The following SNX19 variants were observed in gnomAD, a reference collection of about 807,000 sequenced individuals.
SNX19 encodes the protein sorting nexin 19.
Under a neutral mutation model 85.2 loss-of-function variants are expected in SNX19, and 60 were observed. The observed-to-expected ratio is 0.70, with a 90% CI of 0.57 to 0.87. SNX19 has a LOEUF of 0.87. Among genes scored for constraint, SNX19 ranks in the 40% least tolerant of loss-of-function variants. The probability of loss-of-function intolerance (pLI) is 0.00; values close to 1 mark genes in which losing one functional copy is unlikely to be tolerated. For missense variants in SNX19, 1,201 were observed against 1,217.8 expected (o/e 0.99, Z 0.21); for synonymous variants, 520 against 470.0 (o/e 1.11, Z -1.38).
At chr11:130,900,668 T>A (rs1945199386) in intron 8 of SNX19, among the ~76,000 whole-genome samples, 1 of 152,178 alleles carries the variant, frequency 6.6e-6, no homozygotes, top group East Asian at 1.9e-4. Context: ...TCTATACTTT[T>A]ATCCTCATAC....
At position 130,911,734 on chromosome 11, in the gene SNX19, A is replaced by G; in HGVS notation, c.1712T>C (p.Leu571Pro). The change falls in exon 2 of 11, where the codon CTG becomes CCG. Residue 571 changes from leucine to proline, a missense_variant. Leu to Pro is a moderately conservative substitution (Grantham distance 98). This residue lies in a region of SNX19 where 791 missense variants were observed against 750.9 expected (regional missense o/e 1.05). Transcript: ENST00000265909. ...CACAGTGTGGTAGGCCAGCTGCTGCAGGCCGCTGCTGTTTTCACCGTCAAG... is the reference window on the plus strand; with the variant it reads ...CACAGTGTGGTAGGCCAGCTGCTGCGGGCCGCTGCTGTTTTCACCGTCAAG... ...TALDGENSSG[L>P]QQLAYHTVNR... 6.2e-7 allele frequency: 1 copy of G among 1,614,226 alleles called. No homozygotes were observed. Among genetic ancestry groups the G allele is most frequent in the Non-Finnish European group, 8.5e-7 (1 of 1,180,040 alleles).
At chr11:130,897,544 T>C (rs1369038861) in intron 8 of SNX19, among the ~76,000 whole-genome samples, 3 of 152,168 alleles carry the variant, frequency 2.0e-5, no homozygotes, top group Non-Finnish European at 2.9e-5. Flanking sequence ...GCTGCTGGCA[T>C]GGTTCCTATT....
rs76246208 is a variant in SNX19, at chr11:130,887,960, T to C, written c.2574-7154A>G. 3.0e-3 allele frequency among the ~76,000 whole-genome samples: 458 copies of C among 152,258 alleles called. 7 individuals carry two copies. The highest frequency in any genetic ancestry group is 0.023 in the East Asian group (121 of 5,170). The stretch of plus-strand genomic sequence containing the variant: ...CCTGACCAGCAAAGAACATAGGGGA[T>C]TGAGCCTTCCTTTAGATTTAGATAC... On this transcript the variant is annotated intron_variant, in intron 8 of 10. Coordinates refer to ENST00000265909, the MANE Select transcript of SNX19 (RefSeq NM_014758.3).
Position 130,914,274 on chromosome 11 carries a change from T to C in SNX19, c.1666A>G (p.Thr556Ala). The change falls in exon 1 of 11, where the codon ACT becomes GCT. Residue 556 changes from threonine to alanine, a missense_variant. Thr to Ala is a moderately conservative substitution (Grantham distance 58). Coordinates refer to ENST00000265909, the MANE Select transcript of SNX19 (RefSeq NM_014758.3). ...GTGFHPYTLY[T>A]VKYETALDGE... The stretch of plus-strand genomic sequence containing the variant: ...AGCTTTAATCCTGTTACCTTCACAG[T>C]ATAGAGTGTGTATGGGTGGAATCCA... 1 of 1,577,552 alleles carries C rather than the reference T, an allele frequency of 6.3e-7. No individual in the cohort carries two copies. The highest frequency in any genetic ancestry group is 8.6e-7 in the Non-Finnish European group (1 of 1,161,100).
rs940458853 is a variant in SNX19, at chr11:130,874,791, T to A, written c.*3631A>T. 3.3e-5 allele frequency among the ~76,000 whole-genome samples: 5 copies of A among 152,202 alleles called. No homozygotes were observed. The highest frequency in any genetic ancestry group is 6.5e-5 in the Admixed American group (1 of 15,274). On this transcript the variant is annotated 3_prime_UTR_variant, in exon 11 of 11. Transcript: ENST00000265909. ...GAAGACTCAAAAATGTTCTAGGCTA[T>A]GCAAATCAAAACCATGAGATAGTAA...
At position 130,874,393 on chromosome 11, in the gene SNX19, C is replaced by T. The variant is rs768413216; in HGVS notation, c.*4029G>A. ...CTTAGAAGAAAACACAGAAGAGATG[C>T]TCCTGTTCTTTTATGAATGTTATCT... On this transcript the variant is annotated 3_prime_UTR_variant, in exon 11 of 11. Transcript: ENST00000265909. Among the ~76,000 whole-genome samples the T allele has an allele frequency of 1.3e-5, 2 of 152,178 alleles. No individual in the cohort carries two copies. The highest frequency in any genetic ancestry group is 4.8e-5 in the African/African-American group (2 of 41,450).
intron 8 of SNX19, among the ~76,000 whole-genome samples, chr11:130,895,963 G>A (rs1944850016): frequency 6.6e-6 from 1 of 152,184 alleles, no homozygotes; most frequent in Non-Finnish European, 1.5e-5. Context: ...GCTTCCCTTT[G>A]GCATGGCCTA....
Position 130,878,535 on chromosome 11 carries a change from C to T in SNX19, c.2866G>A (p.Gly956Arg), listed in dbSNP as rs1943411165. The T allele has an allele frequency of 6.2e-7, 1 of 1,613,500 alleles. No homozygotes were observed. Among genetic ancestry groups the T allele is most frequent in the African/African-American group, 1.3e-5 (1 of 74,958 alleles). ...LINRHLIYCL[G>R]DIILEFLDLS... ...TCCAAGAATTCCAGGATGATGTCCC[C>T]AAGGCAGTAAATCAAATGCCTGAAA... Residue 956 changes from glycine (G) to arginine (R), a missense_variant, in exon 11 of 11, where the codon GGG becomes AGG. Physicochemically the swap from Gly to Arg is moderately radical, Grantham distance 125. Transcript: ENST00000265909.
intron 9 of SNX19, among the ~76,000 whole-genome samples, chr11:130,880,358 A>G (rs1943567271): frequency 2.6e-5 from 4 of 152,176 alleles, no homozygotes. Flanking sequence ...TTATTAACCT[A>G]AATATCTGCA....
Position 130,914,662 on chromosome 11 carries a change from C to G in SNX19, c.1278G>C (p.Glu426Asp), listed in dbSNP as rs1946403097. 6.2e-7 allele frequency: 1 copy of G among 1,613,948 alleles called. No homozygotes were observed. The highest frequency in any genetic ancestry group is 8.5e-7 in the Non-Finnish European group (1 of 1,179,868). ...CTGTCTCTGTTTCTGTCCCTGGACC[C>G]TCCTCAGCCTCTGCTCCTTCAGATG... Reference protein sequence around the residue: ...GEASEGAEAEEGPGTETETGL... With the variant: ...GEASEGAEAEDGPGTETETGL... Residue 426 changes from glutamate (E) to aspartate (D), a missense_variant, in exon 1 of 11, where the codon GAG becomes GAC. This residue lies in a region of SNX19 where 791 missense variants were observed against 750.9 expected (regional missense o/e 1.05). Coordinates refer to ENST00000265909, the MANE Select transcript of SNX19 (RefSeq NM_014758.3).
chr11:130,904,487 T>C (rs1945501853), intron 7 of SNX19, among the ~76,000 whole-genome samples: 1 of 152,184 alleles, frequency 6.6e-6, no homozygotes, highest in South Asian at 2.1e-4. Flanking sequence ...TGATATGTTG[T>C]GTGATTTCTA....
At chr11:130,881,166 A>C (rs1943639556) in intron 8 of SNX19, 1 of 169,592 alleles carries the variant, frequency 5.9e-6, no homozygotes, top group Non-Finnish European at 1.2e-5. Context: ...TGTTGTTTAT[A>C]AGCCATTCAG....
chr11:130,916,148 T>C lies in SNX19; in HGVS notation c.-209A>G. 1.7e-6 allele frequency: 1 copy of C among 582,452 alleles called. No homozygotes were observed. Among genetic ancestry groups the C allele is most frequent in the Non-Finnish European group, 3.0e-6 (1 of 327,886 alleles). 36.1% of individuals were successfully genotyped at this position (582,452 alleles called of 1,614,324 possible). On this transcript the variant is annotated 5_prime_UTR_variant, in exon 1 of 11. Coordinates refer to ENST00000265909, the MANE Select transcript of SNX19 (RefSeq NM_014758.3). ...CCCATGGCTACCACTAACAGAGCCCTCCAACTCGCCCCTTCCAGCTGAGGT... is the reference window on the plus strand; with the variant it reads ...CCCATGGCTACCACTAACAGAGCCCCCCAACTCGCCCCTTCCAGCTGAGGT...
chr11:130,905,700 A>C, intron 7 of SNX19: 2 of 1,529,732 alleles, frequency 1.3e-6, no homozygotes, highest in Non-Finnish European at 1.8e-6. Context: ...TATCAATATT[A>C]TCAGCATGAT....
intron 8 of SNX19, among the ~76,000 whole-genome samples, chr11:130,896,726 T>C (rs1290054701): frequency 1.3e-5 from 2 of 152,222 alleles, no homozygotes; most frequent in African/African-American, 2.4e-5. Flanking sequence ...GTCTATCTCA[T>C]AGAATTGAAC....
rs1220671206 is a variant in SNX19 at position 130,867,124 on chromosome 11, T to C, written c.*11298A>G. The C allele has an allele frequency of 6.6e-6, 1 of 152,164 alleles. No homozygotes were observed. The highest frequency in any genetic ancestry group is 1.9e-4 in the East Asian group (1 of 5,196). The allele number at this position is 152,164 out of a possible 1,614,324, so 9.4% of individuals were successfully genotyped here. ...TAATCCCCGTGCTGCTGCCTCCCAA[T>C]AAACTGGGTGAGTGATCCTGGGCAA... On this transcript the variant is annotated 3_prime_UTR_variant, in exon 11 of 11. Transcript: ENST00000265909.
chr11:130,870,808 A>AG lies in SNX19; in HGVS notation c.*7613dup, dbSNP rs1942995538. ...ATTTATTTTGTACCTATCATGCACT[A>AG]GGTATATACATATAGTTGGGGGGGG... On this transcript the variant is annotated 3_prime_UTR_variant, in exon 11 of 11. Coordinates refer to ENST00000265909, the MANE Select transcript of SNX19 (RefSeq NM_014758.3). Among the ~76,000 whole-genome samples, 1 of 134,722 alleles carries AG rather than the reference A, an allele frequency of 7.4e-6. No individual in the cohort carries two copies. Among genetic ancestry groups the AG allele is most frequent in the Non-Finnish European group, 1.6e-5 (1 of 63,628 alleles). The allele number at this position is 134,722 out of a possible 152,430, so 88.4% of individuals were successfully genotyped here.
rs771372050 is a variant in SNX19 at position 130,915,388 on chromosome 11, C to T, written c.552G>A (p.Glu184=). The change falls in exon 1 of 11, where the codon GAG becomes GAA. Residue 184 remains glutamate (E), a synonymous_variant. Coordinates refer to ENST00000265909, the MANE Select transcript of SNX19 (RefSeq NM_014758.3). The part of the protein sequence containing the change: ...EATAGKNGPV[E]PSHLWEAYCR... ...AGTAAGCCTCCCAGAGGTGGGAAGG[C>T]TCAACTGGACCATTCTTCCCTGCAG... 2 of 1,613,898 alleles carry T rather than the reference C, an allele frequency of 1.2e-6. No homozygotes were observed.
chr11:130,886,068 C>A (rs558385186), intron 8 of SNX19, among the ~76,000 whole-genome samples: 5 of 152,286 alleles, frequency 3.3e-5, no homozygotes, highest in African/African-American at 4.8e-5. Flanking sequence ...CCCCTGAGGA[C>A]AAAATTGCTC....
Sources: gnomAD v4.1 joint callset for allele counts (sites outside exome capture counted in the v4.1 genomes callset) on GRCh38, gnomAD v4.1.1 for gene constraint, gnomAD v4.1.1 regional missense constraint, MANE v1.5 for transcripts, NCBI Gene and HGNC (gene_info 2026-07-23, HGNC 2026-07-21) for gene names.